CNTNAP4: variants seen among roughly 807,000 people sequenced by gnomAD.
CNTNAP4 encodes the protein contactin associated protein family member 4.
CNTNAP4 carries 98 observed loss-of-function variants against 148.4 expected under a neutral mutation model. That is an observed-to-expected ratio of 0.66 (90% CI 0.56 to 0.78). CNTNAP4 has a LOEUF of 0.78. Ranked by LOEUF, CNTNAP4 falls within the 30% of genes least tolerant of loss-of-function variation. The pLI, the probability that CNTNAP4 is intolerant of heterozygous loss-of-function variation, is 0.00. For synonymous variants in CNTNAP4, 730 were observed against 565.1 expected (o/e 1.29, Z -4.14); for missense variants, 1,935 against 1,565.6 (o/e 1.24, Z -3.98).
chr16:76,298,665 G>A (rs1959595627), intron 1 of CNTNAP4, among the ~76,000 whole-genome samples: 1 of 152,018 alleles, frequency 6.6e-6, no homozygotes, highest in South Asian at 2.1e-4. Context: ...TAATGGGGTG[G>A]CTGCAGCCAT....
chr16:76,532,016 TGACC>T (rs976081107), intron 17 of CNTNAP4, among the ~76,000 whole-genome samples: 20 of 152,346 alleles, frequency 1.3e-4, no homozygotes, highest in African/African-American at 4.3e-4. Context: ...CCCCACACTC[TGACC>T]TTCTTCTTTA....
At chr16:76,510,505 G>A (rs552490823) in intron 15 of CNTNAP4, among the ~76,000 whole-genome samples, 113 of 149,852 alleles carry the variant, frequency 7.5e-4, no homozygotes, top group Non-Finnish European at 1.4e-3. Context: ...ATTTCTCTTC[G>A]GTATGTACCT....
At chr16:76,526,342 T>C (rs936376968) in intron 17 of CNTNAP4, among the ~76,000 whole-genome samples, 1 of 152,144 alleles carries the variant, frequency 6.6e-6, no homozygotes, top group African/African-American at 2.4e-5. Context: ...GATTGAGGTA[T>C]ATATCGGACC....
At chr16:76,349,652 A>G (rs1965210453) in intron 2 of CNTNAP4, among the ~76,000 whole-genome samples, 1 of 152,174 alleles carries the variant, frequency 6.6e-6, no homozygotes, top group African/African-American at 2.4e-5. Flanking sequence ...ATTTGAAAAA[A>G]AAGTAATTAT....
rs1381766837 is a variant in CNTNAP4, at chr16:76,470,496, T to TATATATAA, written c.1655+2974_1655+2975insTATATAAA. On this transcript the variant is annotated intron_variant, in intron 10 of 23. Coordinates refer to ENST00000611870, the MANE Select transcript of CNTNAP4 (RefSeq NM_033401.5). ...TCTCTACTAATAATATATATATATA[T>TATATATAA]AAAATTAGTCGGGCATGGTGGCACA... 6.0e-4 allele frequency among the ~76,000 whole-genome samples: 34 copies of TATATATAA among 57,130 alleles called. 5 individuals are homozygous for TATATATAA. Among genetic ancestry groups the TATATATAA allele is most frequent in the African/African-American group, 1.4e-3 (32 of 22,954 alleles). The allele number at this position is 57,130 out of a possible 152,430, so 37.5% of individuals were successfully genotyped here.
chr16:76,497,344 CTG>C (rs1474507112), intron 14 of CNTNAP4, among the ~76,000 whole-genome samples: 1 of 151,988 alleles, frequency 6.6e-6, no homozygotes, highest in Non-Finnish European at 1.5e-5. Flanking sequence ...TCTAAATAGA[CTG>C]TGATAAATTA....
chr16:76,546,001 C>G (rs983300007), intron 21 of CNTNAP4, among the ~76,000 whole-genome samples: 1 of 151,652 alleles, frequency 6.6e-6, no homozygotes. Context: ...TGCCATTGCA[C>G]TCCAGCCTGG....
intron 3 of CNTNAP4, among the ~76,000 whole-genome samples, chr16:76,356,652 T>C (rs66508951): frequency 0.17 from 26,445 of 152,160 alleles, 2,901 homozygotes; most frequent in East Asian, 0.48. Context: ...TATTCTCCCC[T>C]CTCTGGCTGA....
chr16:76,372,478 G>C (rs1237074548), intron 3 of CNTNAP4, among the ~76,000 whole-genome samples: 1 of 152,010 alleles, frequency 6.6e-6, no homozygotes, highest in Non-Finnish European at 1.5e-5. Context: ...TTGAGTTGTA[G>C]CTCGCATGAT....
At chr16:76,511,110 G>A (rs1298849833) in intron 15 of CNTNAP4, among the ~76,000 whole-genome samples, 1 of 152,094 alleles carries the variant, frequency 6.6e-6, no homozygotes, top group Non-Finnish European at 1.5e-5. Flanking sequence ...CTGAATTTCT[G>A]CTCTCAGTCT....
intron 15 of CNTNAP4, among the ~76,000 whole-genome samples, chr16:76,515,872 G>T (rs778014913): frequency 2.0e-5 from 3 of 152,024 alleles, no homozygotes; most frequent in African/African-American, 4.8e-5. Context: ...TACACTGCTG[G>T]TAGGAATGTC....
intron 14 of CNTNAP4, among the ~76,000 whole-genome samples, chr16:76,495,516 G>T (rs1277566948): frequency 6.6e-6 from 1 of 151,918 alleles, no homozygotes; most frequent in African/African-American, 2.4e-5. Flanking sequence ...ATACCACAAA[G>T]AACTAATGTT....
intron 1 of CNTNAP4, among the ~76,000 whole-genome samples, chr16:76,308,913 C>A (rs1226647277): frequency 6.6e-6 from 1 of 151,680 alleles, no homozygotes; most frequent in Non-Finnish European, 1.5e-5. Flanking sequence ...CAGCCTCGAA[C>A]TCCTGGGCTC....
intron 4 of CNTNAP4, among the ~76,000 whole-genome samples, chr16:76,439,818 A>G (rs756430575): frequency 2.0e-5 from 3 of 152,072 alleles, no homozygotes; most frequent in Admixed American, 6.6e-5. Context: ...TCCTTAAATC[A>G]TTCTGTGTTC....
chr16:76,384,947 AAT>A (rs1428157021), intron 3 of CNTNAP4, among the ~76,000 whole-genome samples: 10 of 152,204 alleles, frequency 6.6e-5, no homozygotes, highest in African/African-American at 2.2e-4. Context: ...TTAAAAAATC[AAT>A]GAGTTAATTT....
At chr16:76,447,338 G>GTATA (rs147278697) in intron 4 of CNTNAP4, among the ~76,000 whole-genome samples, 88 of 117,424 alleles carry the variant, frequency 7.5e-4, no homozygotes, top group East Asian at 2.8e-3. Flanking sequence ...ATGAAATTAT[G>GTATA]TATATATATA....
chr16:76,514,031 A>G (rs1417918655), intron 15 of CNTNAP4, among the ~76,000 whole-genome samples: 1 of 152,222 alleles, frequency 6.6e-6, no homozygotes, highest in Non-Finnish European at 1.5e-5. Flanking sequence ...GAGGACATCA[A>G]TCTTGGATTG....
intron 2 of CNTNAP4, among the ~76,000 whole-genome samples, chr16:76,327,692 C>G (rs1045733156): frequency 1.3e-5 from 2 of 152,170 alleles, no homozygotes; most frequent in African/African-American, 4.8e-5. Context: ...CCTGGGAGTC[C>G]ACTGGACTCA....
intron 3 of CNTNAP4, among the ~76,000 whole-genome samples, chr16:76,406,023 C>G (rs1409145044): frequency 6.6e-6 from 1 of 151,916 alleles, no homozygotes; most frequent in African/African-American, 2.4e-5. Context: ...TGAGACCATC[C>G]TGAGCAACAT....
Sources: gnomAD v4.1 joint callset for allele counts (sites outside exome capture counted in the v4.1 genomes callset) on GRCh38, gnomAD v4.1.1 for gene constraint, MANE v1.5 for transcripts, NCBI Gene and HGNC (gene_info 2026-07-23, HGNC 2026-07-21) for gene names.